ARHGAP24: variants seen among roughly 807,000 people sequenced by gnomAD.
The protein encoded by ARHGAP24 is rho GTPase-activating protein 24.
Under a neutral mutation model 76.4 loss-of-function variants are expected in ARHGAP24, and 50 were observed. That is an observed-to-expected ratio of 0.65 (90% confidence interval 0.52 to 0.83). The LOEUF is 0.83. Ranked by LOEUF, ARHGAP24 falls within the 40% of genes least tolerant of loss-of-function variation. The probability of loss-of-function intolerance (pLI) is 0.00; values close to 1 mark genes in which losing one functional copy is unlikely to be tolerated. For synonymous variants in ARHGAP24, 345 were observed against 323.3 expected, an observed-to-expected ratio of 1.07 and a Z score of -0.72; for missense variants, 930 against 914.2, an observed-to-expected ratio of 1.02 and a Z score of -0.22.
chr4:85,970,991 G>A (rs922630813), intron 5 of ARHGAP24, among the ~76,000 whole-genome samples: 1 of 152,086 alleles, frequency 6.6e-6, no homozygotes, highest in African/African-American at 2.4e-5. Flanking sequence ...AAGTTATCTT[G>A]CCACTCACAC....
intron 2 of ARHGAP24, among the ~76,000 whole-genome samples, chr4:85,579,982 G>T (rs1049815994): frequency 3.3e-5 from 5 of 152,142 alleles, no homozygotes; most frequent in Admixed American, 3.3e-4. Context: ...GGAGTGGAGT[G>T]ACTGTGTCAT....
chr4:85,766,346 C>T (rs1263258824), intron 3 of ARHGAP24, among the ~76,000 whole-genome samples: 1 of 152,086 alleles, frequency 6.6e-6, no homozygotes, highest in African/African-American at 2.4e-5. Flanking sequence ...TGCAACTTAA[C>T]ACATGAAAAT....
intron 1 of ARHGAP24, among the ~76,000 whole-genome samples, chr4:85,530,188 T>C (rs1725202293): frequency 6.6e-6 from 1 of 151,984 alleles, no homozygotes; most frequent in African/African-American, 2.4e-5. Context: ...TTAATTTTTG[T>C]TTTAAAAGTA....
intron 1 of ARHGAP24, among the ~76,000 whole-genome samples, chr4:85,544,929 A>T (rs1226990616): frequency 6.8e-6 from 1 of 147,732 alleles, no homozygotes; most frequent in Non-Finnish European, 1.5e-5. Context: ...TTTGATTTGC[A>T]TGAGTAACTC....
At chr4:85,952,370 T>A (rs1737660652) in intron 5 of ARHGAP24, among the ~76,000 whole-genome samples, 1 of 152,212 alleles carries the variant, frequency 6.6e-6, no homozygotes, top group African/African-American at 2.4e-5. Context: ...CCCATTTGTT[T>A]TCAATGTTTT....
At chr4:85,957,738 G>T (rs1314310990) in intron 5 of ARHGAP24, among the ~76,000 whole-genome samples, 2 of 152,088 alleles carry the variant, frequency 1.3e-5, no homozygotes, top group Non-Finnish European at 2.9e-5. Flanking sequence ...CCATGAAACT[G>T]CTTTATAAAC....
At chr4:85,554,353 T>C (rs1052820572) in intron 1 of ARHGAP24, among the ~76,000 whole-genome samples, 2 of 152,222 alleles carry the variant, frequency 1.3e-5, no homozygotes, top group African/African-American at 4.8e-5. Context: ...TTGGCATCTC[T>C]AGCGAGGTTA....
chr4:85,657,427 A>G (rs1240395317), intron 2 of ARHGAP24, among the ~76,000 whole-genome samples: 1 of 152,156 alleles, frequency 6.6e-6, no homozygotes, highest in African/African-American at 2.4e-5. Flanking sequence ...TTTTTTTTCA[A>G]ATACAAGAGA....
intron 3 of ARHGAP24, among the ~76,000 whole-genome samples, chr4:85,893,917 G>A (rs1049100148): frequency 3.1e-5 from 4 of 128,914 alleles, no homozygotes; most frequent in Non-Finnish European, 6.5e-5. Context: ...CATGGACACA[G>A]GAAGGGGAAT....
chr4:85,571,002 A>G, intron 2 of ARHGAP24: 1 of 312,068 alleles, frequency 3.2e-6, no homozygotes. Flanking sequence ...TCATGAGAAA[A>G]TTTTAGTAGA....
At chr4:85,930,240 G>GA (rs1736251078) in intron 4 of ARHGAP24, 1 of 985,318 alleles carries the variant, frequency 1.0e-6, no homozygotes, top group Admixed American at 6.2e-5. Context: ...TCTTGGAATG[G>GA]GCACTCGACT....
intron 2 of ARHGAP24, among the ~76,000 whole-genome samples, chr4:85,585,532 G>A (rs1727821367): frequency 6.6e-6 from 1 of 152,178 alleles, no homozygotes; most frequent in South Asian, 2.1e-4. Flanking sequence ...CCATTTAAGG[G>A]TTATAACAAA....
rs79765605 is a variant in ARHGAP24, at chr4:85,950,484, G to A, written c.599+8211G>A. Among the ~76,000 whole-genome samples the A allele has an allele frequency of 3.3e-3, 497 of 152,104 alleles. 2 individuals carry two copies. The highest frequency in any genetic ancestry group is 0.012 in the African/African-American group (484 of 41,500). ...TGCTGGCACTTCAGCCTCGGTGGCAGAGCAAGACCTTTCTCTAAAAAATAA... is the reference window on the plus strand; with the variant it reads ...TGCTGGCACTTCAGCCTCGGTGGCAAAGCAAGACCTTTCTCTAAAAAATAA... On this transcript the variant is annotated intron_variant, in intron 5 of 9. Coordinates refer to ENST00000395184, the MANE Select transcript of ARHGAP24 (RefSeq NM_001025616.3).
intron 2 of ARHGAP24, among the ~76,000 whole-genome samples, chr4:85,679,235 T>C (rs1425663229): frequency 6.6e-6 from 1 of 152,130 alleles, no homozygotes; most frequent in Admixed American, 6.5e-5. Context: ...CTCTCAGATC[T>C]TTAAAGGTTC....
At chr4:85,890,538 AAC>A (rs1388929172) in intron 3 of ARHGAP24, among the ~76,000 whole-genome samples, 1 of 152,212 alleles carries the variant, frequency 6.6e-6, no homozygotes, top group Non-Finnish European at 1.5e-5. Flanking sequence ...TCTTGAGGAA[AAC>A]ACCACAGAAA....
At chr4:85,626,579 A>G (rs1720962410) in intron 2 of ARHGAP24, among the ~76,000 whole-genome samples, 2 of 152,008 alleles carry the variant, frequency 1.3e-5, no homozygotes, top group Non-Finnish European at 2.9e-5. Context: ...TCGAGGAGTA[A>G]TTTTGTGGCA....
intron 2 of ARHGAP24, among the ~76,000 whole-genome samples, chr4:85,640,360 C>T (rs769417170): frequency 2.3e-4 from 35 of 152,170 alleles, no homozygotes; most frequent in Non-Finnish European, 3.5e-4. Flanking sequence ...CTCCCTTTGC[C>T]TCCTGACCAA....
intron 3 of ARHGAP24, among the ~76,000 whole-genome samples, chr4:85,781,434 A>T (rs539694668): frequency 6.6e-6 from 1 of 152,206 alleles, no homozygotes; most frequent in Non-Finnish European, 1.5e-5. Context: ...ACATACATTT[A>T]TTAAGCTATA....
At chr4:85,479,805 C>T (rs1477764716) in intron 1 of ARHGAP24, among the ~76,000 whole-genome samples, 1 of 152,136 alleles carries the variant, frequency 6.6e-6, no homozygotes, top group Non-Finnish European at 1.5e-5. Flanking sequence ...TACATATGGG[C>T]TTATTTTATT....
Sources: allele counts gnomAD v4.1 joint callset (sites outside exome capture counted in the v4.1 genomes callset), GRCh38; gene constraint gnomAD v4.1.1; transcripts MANE v1.5; gene names NCBI Gene and HGNC (gene_info 2026-07-23, HGNC 2026-07-21).